FOXO3: variants seen among roughly 807,000 people sequenced by gnomAD.
FOXO3 encodes the protein forkhead box protein O3.
FOXO3 carries 4 observed loss-of-function variants against 41.9 expected under a neutral mutation model. The observed-to-expected ratio is 0.10, with a 90% CI of 0.05 to 0.22. FOXO3 has a LOEUF of 0.22. FOXO3 is among the 10% of genes least tolerant of loss of function. The pLI is 1.00. For missense variants in FOXO3, 534 were observed against 906.8 expected, an observed-to-expected ratio of 0.59 and a Z score of 5.28; for synonymous variants, 318 against 389.3, an observed-to-expected ratio of 0.82 and a Z score of 2.16.
At chr6:108,560,025 G>T (rs1775727498), upstream of FOXO3, 1 of 152,138 alleles carries the variant, frequency 6.6e-6, no homozygotes, top group East Asian at 1.9e-4. Flanking sequence ...GGTAGGCGCC[G>T]GAGCCGTGCA....
chr6:108,618,399 A>T (rs555710721), intron 1 of FOXO3: 1 of 498,228 alleles, frequency 2.0e-6, no homozygotes, highest in South Asian at 2.1e-5. Flanking sequence ...GCAGCAGCAG[A>T]TGAAGGAGAG....
chr6:108,605,429 T>C (rs1777172139), intron 1 of FOXO3, among the ~76,000 whole-genome samples: 1 of 152,220 alleles, frequency 6.6e-6, no homozygotes, highest in African/African-American at 2.4e-5. Flanking sequence ...ACTATTTTTT[T>C]TCATTTTATT....
intron 1 of FOXO3, among the ~76,000 whole-genome samples, chr6:108,563,189 GA>G (rs1465873599): frequency 6.6e-6 from 1 of 152,174 alleles, no homozygotes; most frequent in Non-Finnish European, 1.5e-5. Context: ...TTAATGTAGA[GA>G]ATGTTTTATT....
At chr6:108,650,217 A>ACC (rs1778510340) in intron 1 of FOXO3, among the ~76,000 whole-genome samples, 1 of 152,160 alleles carries the variant, frequency 6.6e-6, no homozygotes, top group African/African-American at 2.4e-5. Flanking sequence ...CTGACTGCTA[A>ACC]TATGGTGGGA....
At chr6:108,676,925 T>G (rs3800230) in intron 2 of FOXO3, among the ~76,000 whole-genome samples, 22,549 of 152,232 alleles carry the variant, frequency 0.15, 1,854 homozygotes, top group South Asian at 0.29. Flanking sequence ...TTAATTGTAT[T>G]TCTGTTCAAC....
intron 1 of FOXO3, among the ~76,000 whole-genome samples, chr6:108,636,443 G>A (rs1269082682): frequency 1.3e-5 from 2 of 152,116 alleles, no homozygotes; most frequent in Admixed American, 6.5e-5. Flanking sequence ...TTAAACCTTC[G>A]GGAATAGAAC....
chr6:108,621,284 G>T (rs1315666052), intron 1 of FOXO3, among the ~76,000 whole-genome samples: 1 of 152,090 alleles, frequency 6.6e-6, no homozygotes, highest in Non-Finnish European at 1.5e-5. Context: ...TAGTCATTGG[G>T]GTGACTCGTG....
chr6:108,586,511 A>C (rs1776583533), intron 1 of FOXO3, among the ~76,000 whole-genome samples: 1 of 152,188 alleles, frequency 6.6e-6, no homozygotes, highest in Non-Finnish European at 1.5e-5. Context: ...TTTTGACGTA[A>C]CATGAGCTAG....
intron 1 of FOXO3, among the ~76,000 whole-genome samples, chr6:108,656,112 T>TGGC (rs1778678342): frequency 7.9e-6 from 1 of 125,854 alleles, no homozygotes. Context: ...ACAGTCCTCC[T>TGGC]CCCACCCCAC....
At chr6:108,654,993 A>G (rs917631689) in intron 1 of FOXO3, among the ~76,000 whole-genome samples, 1 of 152,214 alleles carries the variant, frequency 6.6e-6, no homozygotes, top group Non-Finnish European at 1.5e-5. Flanking sequence ...TTAGTCCCAA[A>G]GTAGATAAAA....
At chr6:108,667,263 G>A (rs1263285502) in intron 2 of FOXO3, among the ~76,000 whole-genome samples, 2 of 152,278 alleles carry the variant, frequency 1.3e-5, no homozygotes, top group South Asian at 4.1e-4. Flanking sequence ...TGGGCTAGTG[G>A]AGATTTGACT....
At chr6:108,560,302 G>A (rs980982305), upstream of FOXO3, among the ~76,000 whole-genome samples, 4 of 152,178 alleles carry the variant, frequency 2.6e-5, no homozygotes, top group Non-Finnish European at 5.9e-5. Flanking sequence ...CCCTCCCCCG[G>A]ATCCCGACTG....
intron 1 of FOXO3, among the ~76,000 whole-genome samples, chr6:108,590,336 A>C (rs1776700305): frequency 6.6e-6 from 1 of 152,110 alleles, no homozygotes; most frequent in Admixed American, 6.6e-5. Flanking sequence ...CCTAATTTGA[A>C]AATTTGAAAT....
At chr6:108,649,515 C>CTTTTTTTTT (rs886836999) in intron 1 of FOXO3, among the ~76,000 whole-genome samples, 1 of 95,206 alleles carries the variant, frequency 1.1e-5, no homozygotes, top group South Asian at 3.3e-4. Flanking sequence ...CCACCCTCAG[C>CTTTTTTTTT]TTTTTTTTTT....
At chr6:108,560,467 C>G (rs1775739571), upstream of FOXO3, among the ~76,000 whole-genome samples, 1 of 152,222 alleles carries the variant, frequency 6.6e-6, no homozygotes, top group Admixed American at 6.5e-5. Flanking sequence ...GTGACAAGGG[C>G]CCATCTGCGC....
intron 1 of FOXO3, among the ~76,000 whole-genome samples, chr6:108,569,322 C>T (rs1308901194): frequency 6.6e-6 from 1 of 152,208 alleles, no homozygotes; most frequent in African/African-American, 2.4e-5. Flanking sequence ...CAGACAGACC[C>T]AGTATCTTTC....
At chr6:108,679,063 G>A (rs1453850515) in intron 2 of FOXO3, among the ~76,000 whole-genome samples, 1 of 151,490 alleles carries the variant, frequency 6.6e-6, no homozygotes, top group Non-Finnish European at 1.5e-5. Flanking sequence ...AGTAGAGACG[G>A]GGTTTCACCA....
At chr6:108,606,654 G>T (rs1342852090) in intron 1 of FOXO3, among the ~76,000 whole-genome samples, 2 of 152,358 alleles carry the variant, frequency 1.3e-5, no homozygotes, top group East Asian at 3.9e-4. Flanking sequence ...GCCAGGAACT[G>T]ACAAACTTTT....
intron 1 of FOXO3, among the ~76,000 whole-genome samples, chr6:108,628,914 A>C (rs1777884336): frequency 6.6e-6 from 1 of 152,036 alleles, no homozygotes; most frequent in African/African-American, 2.4e-5. Context: ...AGTTAAGATG[A>C]AGGCATGGAC....
Sources: gnomAD v4.1 joint callset for allele counts (sites outside exome capture counted in the v4.1 genomes callset) on GRCh38, gnomAD v4.1.1 for gene constraint, MANE v1.5 for transcripts, NCBI Gene and HGNC (gene_info 2026-07-23, HGNC 2026-07-21) for gene names.